GRB2: variants seen among roughly 807,000 people sequenced by gnomAD.
The protein encoded by GRB2 is growth factor receptor-bound protein 2.
Under a neutral mutation model 27.4 loss-of-function variants are expected in GRB2, and 2 were observed. The ratio of observed to expected loss-of-function variants is 0.07; its 90% CI spans 0.03 to 0.23. The LOEUF (loss-of-function observed/expected upper bound fraction) is 0.23, where lower values mean the gene tolerates loss of function less well. Ranked by LOEUF, GRB2 falls within the 10% of genes least tolerant of loss-of-function variation. The pLI is 1.00. For synonymous variants in GRB2, 94 were observed against 99.6 expected (o/e 0.94, Z 0.33); for missense variants, 102 against 282.4 (o/e 0.36, Z 4.58).
At chr17:75,404,268 T>C (rs150474218) in intron 1 of GRB2, among the ~76,000 whole-genome samples, 139 of 152,210 alleles carry the variant, frequency 9.1e-4, no homozygotes, top group Middle Eastern at 3.4e-3. Flanking sequence ...GCAGGACTGA[T>C]TTCTTAGGGA....
At chr17:75,388,704 C>A (rs1171880263) in intron 2 of GRB2, among the ~76,000 whole-genome samples, 3 of 151,682 alleles carry the variant, frequency 2.0e-5, no homozygotes, top group Admixed American at 6.6e-5. Context: ...GCTTCATGAG[C>A]AGGTGGGGCC....
intron 2 of GRB2, among the ~76,000 whole-genome samples, chr17:75,357,645 G>C (rs1343435526): frequency 1.3e-5 from 2 of 152,210 alleles, no homozygotes; most frequent in Non-Finnish European, 1.5e-5. Context: ...GGCAGGCCAG[G>C]AGCAGTGGTG....
intron 2 of GRB2, among the ~76,000 whole-genome samples, chr17:75,377,984 A>G (rs1318501362): frequency 1.3e-5 from 2 of 152,160 alleles, no homozygotes; most frequent in African/African-American, 4.8e-5. Context: ...ACAACCCCCA[A>G]GTCTGCTGGT....
At chr17:75,351,201 C>A (rs2078690141) in intron 2 of GRB2, among the ~76,000 whole-genome samples, 1 of 152,048 alleles carries the variant, frequency 6.6e-6, no homozygotes, top group Admixed American at 6.6e-5. Flanking sequence ...CACTGAAAAA[C>A]CCACATGCAT....
At chr17:75,381,888 T>C (rs1383800809) in intron 2 of GRB2, among the ~76,000 whole-genome samples, 1 of 152,038 alleles carries the variant, frequency 6.6e-6, no homozygotes, top group Non-Finnish European at 1.5e-5. Flanking sequence ...CTAAAAGCTC[T>C]TGCATTTTTC....
intron 4 of GRB2, among the ~76,000 whole-genome samples, chr17:75,324,366 ATTTTT>A (rs1156329058): frequency 1.1e-5 from 1 of 93,628 alleles, no homozygotes; most frequent in African/African-American, 3.7e-5. Context: ...CCATTTTTGT[ATTTTT>A]TTTTTTTTTT....
intron 2 of GRB2, among the ~76,000 whole-genome samples, chr17:75,343,049 C>CTAAAAAAAAAA (rs2078631547): frequency 1.7e-5 from 1 of 58,574 alleles, no homozygotes; most frequent in Non-Finnish European, 3.0e-5. Flanking sequence ...AACCTTGTCT[C>CTAAAAAAAAAA]AAAAAAAAAA....
chr17:75,337,255 C>G (rs1195401760), intron 2 of GRB2, among the ~76,000 whole-genome samples: 2 of 152,150 alleles, frequency 1.3e-5, no homozygotes, highest in Non-Finnish European at 2.9e-5. Context: ...CCTTTCAACC[C>G]AACTGCTCCA....
chr17:75,365,621 G>T (rs2078813985), intron 2 of GRB2, among the ~76,000 whole-genome samples: 1 of 151,938 alleles, frequency 6.6e-6, no homozygotes, highest in Non-Finnish European at 1.5e-5. Context: ...CTATACCAAA[G>T]CGAAAAAGTT....
At position 75,349,298 on chromosome 17, in the gene GRB2, A is replaced by G. The variant is rs539999134; in HGVS notation, c.79-16501T>C. On this transcript the variant is annotated intron_variant, in intron 2 of 5. Coordinates refer to ENST00000316804, the MANE Select transcript of GRB2 (RefSeq NM_002086.5). Reference sequence around the variant, plus strand: ...CATTTGGACAGCTGGATGTGGCTCAATCAAGCAGGGTCCTCTCTTACAGGT... The same window carrying G: ...CATTTGGACAGCTGGATGTGGCTCAGTCAAGCAGGGTCCTCTCTTACAGGT... 7.9e-5 allele frequency among the ~76,000 whole-genome samples: 12 copies of G among 152,230 alleles called. No individual in the cohort carries two copies. In the South Asian group the frequency reaches 2.3e-3, roughly 29 times the overall value.
rs149687321 is a variant in GRB2, at chr17:75,335,812, T to G, written c.79-3015A>C. On this transcript the variant is annotated intron_variant, in intron 2 of 5. Coordinates refer to ENST00000316804, the MANE Select transcript of GRB2 (RefSeq NM_002086.5). ...GAAAACTTTCTTCTAGTCATCATTT[T>G]GTTTCTCGTAAAAAAATCACATCAA... Among the ~76,000 whole-genome samples, 14 of 152,358 alleles carry G rather than the reference T, an allele frequency of 9.2e-5. No individual in the cohort carries two copies. The East Asian group carries it at 2.7e-3, about 29-fold the overall frequency.
At position 75,318,640 on chromosome 17, in the gene GRB2, A is replaced by G. The variant is rs1436843792; in HGVS notation, c.*1728T>C. ...TGTCTTTCCAATCTTGCCTTCCCCA[A>G]CTCTCCCTGCTTCCTGGGACCATCG... On this transcript the variant is annotated 3_prime_UTR_variant, in exon 6 of 6. Transcript: ENST00000316804. 2 of 151,598 alleles carry G rather than the reference A, an allele frequency of 1.3e-5. No homozygotes were observed. Among genetic ancestry groups the G allele is most frequent in the African/African-American group, 4.9e-5 (2 of 41,178 alleles). The allele number at this position is 151,598 out of a possible 1,614,324, so 9.4% of individuals were successfully genotyped here. A position where few individuals can be genotyped will look rare whatever the true frequency, so the allele number is the denominator to read the frequency against.
rs538651371 is a variant in GRB2, at chr17:75,347,620, C to A, written c.79-14823G>T. ...TAAAATTCTTCTCCACCCTCCTCAC[C>A]CTTAAATTGCCAGTGTAACCTCATT... On this transcript the variant is annotated intron_variant, in intron 2 of 5. Coordinates refer to ENST00000316804, the MANE Select transcript of GRB2 (RefSeq NM_002086.5). Among the ~76,000 whole-genome samples, 3 of 152,266 alleles carry A rather than the reference C, an allele frequency of 2.0e-5. No individual in the cohort carries two copies. The East Asian group carries it at 5.8e-4, about 29-fold the overall frequency.
chr17:75,368,514 C>G (rs886451961), intron 2 of GRB2, among the ~76,000 whole-genome samples: 3 of 151,282 alleles, frequency 2.0e-5, no homozygotes, highest in African/African-American at 4.9e-5. Flanking sequence ...TGACCCACTG[C>G]GTCAGGCGTT....
Position 75,357,496 on chromosome 17 carries a change from T to C in GRB2, c.79-24699A>G, listed in dbSNP as rs181033189. Among the ~76,000 whole-genome samples, 7 of 152,326 alleles carry C rather than the reference T, an allele frequency of 4.6e-5. No individual in the cohort carries two copies. The East Asian group carries it at 1.2e-3, about 25-fold the overall frequency. On this transcript the variant is annotated intron_variant, in intron 2 of 5. Transcript: ENST00000316804. Reference sequence around the variant, plus strand: ...GTACAACTTCTCTATCAATCTAAAATTGTTCTTTGAAAAAATAAAGTTGTC... The same window carrying C: ...GTACAACTTCTCTATCAATCTAAAACTGTTCTTTGAAAAAATAAAGTTGTC...
chr17:75,339,612 T>C (rs2078606698), intron 2 of GRB2, among the ~76,000 whole-genome samples: 1 of 130,564 alleles, frequency 7.7e-6, no homozygotes, highest in Non-Finnish European at 1.7e-5. Flanking sequence ...CATTTTCCTT[T>C]TTCTTTCTTT....
At chr17:75,330,712 A>AC (rs2078534886) in intron 3 of GRB2, among the ~76,000 whole-genome samples, 1 of 151,958 alleles carries the variant, frequency 6.6e-6, no homozygotes, top group African/African-American at 2.4e-5. Context: ...AAAAACAAAA[A>AC]AAAAAAAGGT....
At chr17:75,325,305 T>C (rs1386334089) in intron 4 of GRB2, among the ~76,000 whole-genome samples, 1 of 152,118 alleles carries the variant, frequency 6.6e-6, no homozygotes, top group Non-Finnish European at 1.5e-5. Flanking sequence ...TAATTCAAAA[T>C]CCCGACTTCA....
At chr17:75,362,150 G>A (rs185628670) in intron 2 of GRB2, among the ~76,000 whole-genome samples, 2 of 152,158 alleles carry the variant, frequency 1.3e-5, no homozygotes, top group Admixed American at 1.3e-4. Context: ...AATAAAGAAG[G>A]GCCACTAGCC....
Sources: gnomAD v4.1 joint callset for allele counts (sites outside exome capture counted in the v4.1 genomes callset) on GRCh38, gnomAD v4.1.1 for gene constraint, MANE v1.5 for transcripts, NCBI Gene and HGNC (gene_info 2026-07-23, HGNC 2026-07-21) for gene names.